The following FAM168A variants were observed in gnomAD, a reference collection of about 807,000 sequenced individuals.
The protein encoded by FAM168A is family with sequence similarity 168 member A, also known as protein FAM168A.
FAM168A carries 3 observed loss-of-function variants against 28.5 expected under a neutral mutation model. The ratio of observed to expected loss-of-function variants is 0.11; its 90% confidence interval spans 0.05 to 0.27. The LOEUF is 0.27. Ranked by LOEUF, FAM168A falls within the 10% of genes least tolerant of loss-of-function variation. The pLI, the probability that FAM168A is intolerant of heterozygous loss-of-function variation, is 1.00. For missense variants in FAM168A, 222 were observed against 311.5 expected (o/e 0.71, Z 2.16); for synonymous variants, 122 against 124.2 (o/e 0.98, Z 0.12).
At chr11:73,548,687 C>G (rs1943789179) in intron 1 of FAM168A, among the ~76,000 whole-genome samples, 2 of 152,202 alleles carry the variant, frequency 1.3e-5, no homozygotes, top group Non-Finnish European at 2.9e-5. Flanking sequence ...GTCATCCACA[C>G]TGGAGTGTAG....
rs1282261207 is a variant in FAM168A at position 73,401,851 on chromosome 11, A to AGGGCTGGCCATGGAATGTTG, written c.*4892_*4911dup. 68 of 152,366 alleles carry AGGGCTGGCCATGGAATGTTG rather than the reference A, an allele frequency of 4.5e-4. 1 individual carries two copies. The highest frequency in any genetic ancestry group is 1.6e-3 in the African/African-American group (66 of 41,572). The allele number at this position is 152,366 out of a possible 1,614,324, so 9.4% of individuals were successfully genotyped here. ...ACTGGGACCCAAGTCTGGCTTAGGC[A>AGGGCTGGCCATGGAATGTTG]GGGCTGGCCATGGAATGTTGAAGCT... On this transcript the variant is annotated 3_prime_UTR_variant, in exon 8 of 8. Transcript: ENST00000356467.
At position 73,409,599 on chromosome 11, in the gene FAM168A, G is replaced by A. The variant is rs377034384; in HGVS notation, c.483C>T (p.Val161=). The part of the protein sequence containing the change: ...AQPHVIHHTT[V]VQPNSIPSAI... ...CAGAGGGAATGCTGTTGGGCTGGAC[G>A]ACCGTGGTATGGTGGATGACATGAG... Residue 161 remains valine (V), a synonymous_variant, in exon 6 of 8, where the codon GTC becomes GTT. Coordinates refer to ENST00000356467, the MANE Select transcript of FAM168A (RefSeq NM_015159.3). The A allele has an allele frequency of 1.6e-5, 26 of 1,613,840 alleles. No homozygotes were observed. The highest frequency in any genetic ancestry group is 1.0e-4 in the Admixed American group (6 of 59,988).
intron 4 of FAM168A, among the ~76,000 whole-genome samples, chr11:73,414,717 T>C (rs1429425111): frequency 6.6e-6 from 1 of 152,232 alleles, no homozygotes; most frequent in Non-Finnish European, 1.5e-5. Flanking sequence ...GCTATTATTA[T>C]TTTCTCTCTC....
At chr11:73,474,778 A>G (rs569360652) in intron 1 of FAM168A, among the ~76,000 whole-genome samples, 1 of 152,346 alleles carries the variant, frequency 6.6e-6, no homozygotes, top group African/African-American at 2.4e-5. Flanking sequence ...CCAAATACAT[A>G]TTAGTTGAAC....
At position 73,406,656 on chromosome 11, in the gene FAM168A, C is replaced by T. The variant is rs1414903766; in HGVS notation, c.*107G>A. On this transcript the variant is annotated 3_prime_UTR_variant, in exon 8 of 8. Transcript: ENST00000356467. ...AGTGACCCTTGCACTTCCGTTGTCT[C>T]TTCTTGCAAATAGAGGTGGTGCTGC... 6.6e-6 allele frequency: 1 copy of T among 152,664 alleles called. No homozygotes were observed. Among genetic ancestry groups the T allele is most frequent in the Non-Finnish European group, 1.5e-5 (1 of 68,050 alleles). The allele number at this position is 152,664 out of a possible 1,614,324, so 9.5% of individuals were successfully genotyped here.
chr11:73,584,796 G>GA (rs1944292218), intron 1 of FAM168A, among the ~76,000 whole-genome samples: 1 of 152,000 alleles, frequency 6.6e-6, no homozygotes, highest in African/African-American at 2.4e-5. Flanking sequence ...TTTTAATTGA[G>GA]AAAAAACTAT....
intron 1 of FAM168A, among the ~76,000 whole-genome samples, chr11:73,513,318 T>A (rs903888758): frequency 6.7e-6 from 1 of 148,312 alleles, no homozygotes; most frequent in African/African-American, 2.5e-5. Flanking sequence ...CACGCCATTC[T>A]CCTGCCTCAG....
At chr11:73,506,975 G>A (rs1001405577) in intron 1 of FAM168A, among the ~76,000 whole-genome samples, 1 of 152,010 alleles carries the variant, frequency 6.6e-6, no homozygotes, top group African/African-American at 2.4e-5. Context: ...AGATTCTGTA[G>A]GTTTTTAAAA....
chr11:73,488,399 G>C (rs944546143), intron 1 of FAM168A, among the ~76,000 whole-genome samples: 1 of 152,106 alleles, frequency 6.6e-6, no homozygotes, highest in African/African-American at 2.4e-5. Flanking sequence ...CCAAAGTGCT[G>C]GGATTACAGG....
chr11:73,483,202 G>C (rs1343306621), intron 1 of FAM168A, among the ~76,000 whole-genome samples: 1 of 152,150 alleles, frequency 6.6e-6, no homozygotes, highest in Non-Finnish European at 1.5e-5. Flanking sequence ...ACGATAAATT[G>C]TGGTTTTTAT....
intron 1 of FAM168A, among the ~76,000 whole-genome samples, chr11:73,488,452 T>G (rs1868083941): frequency 6.6e-6 from 1 of 152,202 alleles, no homozygotes; most frequent in South Asian, 2.1e-4. Context: ...CTAAATGAAA[T>G]CTGACAATCA....
chr11:73,537,628 A>T (rs60860405), intron 1 of FAM168A, among the ~76,000 whole-genome samples: 1 of 152,000 alleles, frequency 6.6e-6, no homozygotes, highest in African/African-American at 2.4e-5. Flanking sequence ...TTCTAAGAGA[A>T]CAGTGACTAC....
At chr11:73,530,914 T>C (rs1377689656) in intron 1 of FAM168A, among the ~76,000 whole-genome samples, 2 of 152,190 alleles carry the variant, frequency 1.3e-5, no homozygotes, top group African/African-American at 2.4e-5. Context: ...TTTGTAGTCC[T>C]GTTCCCAACT....
intron 1 of FAM168A, among the ~76,000 whole-genome samples, chr11:73,557,981 A>G (rs779211930): frequency 9.2e-5 from 14 of 152,194 alleles, no homozygotes; most frequent in Non-Finnish European, 1.9e-4. Context: ...AGGCAGAAGA[A>G]TGAAGCTGGA....
chr11:73,460,624 CT>C (rs1297590788), intron 2 of FAM168A, among the ~76,000 whole-genome samples: 1 of 151,816 alleles, frequency 6.6e-6, no homozygotes, highest in East Asian at 1.9e-4. Flanking sequence ...CTGCCTCAGC[CT>C]CCCCAGTAGC....
chr11:73,567,838 C>T lies in FAM168A; in HGVS notation c.-19+30085G>A, dbSNP rs1199328369. Among the ~76,000 whole-genome samples the T allele has an allele frequency of 2.6e-5, 4 of 152,190 alleles. No individual in the cohort carries two copies. In the East Asian group the frequency reaches 5.8e-4, roughly 22 times the overall value. Reference sequence around the variant, plus strand: ...AGAATGCAGATGAGGGCATCACCCCCGGACAACAAGATAGAAGGAGCCTGG... The same window carrying T: ...AGAATGCAGATGAGGGCATCACCCCTGGACAACAAGATAGAAGGAGCCTGG... On this transcript the variant is annotated intron_variant, in intron 1 of 7. Coordinates refer to ENST00000356467, the MANE Select transcript of FAM168A (RefSeq NM_015159.3).
chr11:73,579,477 A>G (rs1355521072), intron 1 of FAM168A, among the ~76,000 whole-genome samples: 2 of 152,212 alleles, frequency 1.3e-5, no homozygotes, highest in South Asian at 2.1e-4. Context: ...AAGGAAGTAC[A>G]ATAGCTGAGA....
chr11:73,551,126 A>T (rs1447345258), intron 1 of FAM168A, among the ~76,000 whole-genome samples: 3 of 150,422 alleles, frequency 2.0e-5, no homozygotes, highest in South Asian at 4.2e-4. Context: ...AAAAAAAAAA[A>T]GGAGAATTTG....
intron 1 of FAM168A, among the ~76,000 whole-genome samples, chr11:73,478,217 A>G (rs960986709): frequency 3.9e-5 from 6 of 152,236 alleles, no homozygotes; most frequent in Admixed American, 1.3e-4. Flanking sequence ...ATTAAGATGC[A>G]TATTTAATCC....
Sources: gnomAD v4.1 joint callset for allele counts (sites outside exome capture counted in the v4.1 genomes callset) on GRCh38, gnomAD v4.1.1 for gene constraint, MANE v1.5 for transcripts, NCBI Gene and HGNC (gene_info 2026-07-23, HGNC 2026-07-21) for gene names.